Variants in KIF26B observed in about 807,000 individuals in gnomAD.
KIF26B encodes the protein kinesin-like protein KIF26B.
Under a neutral mutation model 151.2 loss-of-function variants are expected in KIF26B, and 63 were observed. The ratio of observed to expected loss-of-function variants is 0.42; its 90% CI spans 0.34 to 0.51. The LOEUF (loss-of-function observed/expected upper bound fraction) is 0.51. Among genes scored for constraint, KIF26B ranks in the 20% least tolerant of loss-of-function variants. The pLI is 0.07. For missense variants in KIF26B, 2,813 were observed against 2,913.6 expected, an observed-to-expected ratio of 0.97 and a Z score of 0.79; for synonymous variants, 1,357 against 1,262.1, an observed-to-expected ratio of 1.08 and a Z score of -1.59.
chr1:245,577,836 G>GGAAGAGCTTTGTGGC (rs1304196308), intron 5 of KIF26B, among the ~76,000 whole-genome samples: 10 of 148,738 alleles, frequency 6.7e-5, no homozygotes, highest in African/African-American at 2.3e-4. Flanking sequence ...TCTCCTCACC[G>GGAAGAGCTTTGTGGC]GAAGAGCTTT....
intron 3 of KIF26B, among the ~76,000 whole-genome samples, chr1:245,377,658 G>A (rs1673308805): frequency 6.6e-6 from 1 of 152,166 alleles, no homozygotes; most frequent in Admixed American, 6.5e-5. Flanking sequence ...AGCTAGATAA[G>A]ATAGATAAAT....
chr1:245,266,696 G>C (rs958508271), intron 2 of KIF26B, among the ~76,000 whole-genome samples: 3 of 151,998 alleles, frequency 2.0e-5, no homozygotes, highest in Non-Finnish European at 4.4e-5. Context: ...TAGTAGGGAC[G>C]GGGTTTCACC....
At chr1:245,216,167 C>T (rs986515914) in intron 2 of KIF26B, 5 of 151,296 alleles carry the variant, frequency 3.3e-5, no homozygotes, top group African/African-American at 1.2e-4. Context: ...TATCCCTTCT[C>T]CTTGAGTTCC....
intron 9 of KIF26B, among the ~76,000 whole-genome samples, chr1:245,624,411 C>A (rs1715800): frequency 0.7 from 106,169 of 152,066 alleles, 37,151 homozygotes; most frequent in East Asian, 0.89. Flanking sequence ...TCCTCCATAC[C>A]CCCACCAGCA....
chr1:245,616,045 C>T (rs927280522), intron 9 of KIF26B, among the ~76,000 whole-genome samples: 2 of 152,194 alleles, frequency 1.3e-5, no homozygotes, highest in African/African-American at 4.8e-5. Flanking sequence ...ACTCTGTGTG[C>T]GCCTCTGAAT....
At chr1:245,600,214 A>G (rs369606205) in intron 5 of KIF26B, among the ~76,000 whole-genome samples, 4 of 117,058 alleles carry the variant, frequency 3.4e-5, no homozygotes, top group South Asian at 2.8e-4. Flanking sequence ...AATTTTTTGT[A>G]TTTTTAGTAG....
intron 10 of KIF26B, among the ~76,000 whole-genome samples, chr1:245,659,328 C>G (rs1572183385): frequency 6.6e-6 from 1 of 152,164 alleles, no homozygotes; most frequent in Non-Finnish European, 1.5e-5. Flanking sequence ...AACCTTGCAT[C>G]TTTAGTGACA....
intron 3 of KIF26B, among the ~76,000 whole-genome samples, chr1:245,374,865 G>A (rs1468201446): frequency 1.3e-5 from 2 of 152,232 alleles, no homozygotes; most frequent in Non-Finnish European, 1.5e-5. Context: ...TTATGAATAT[G>A]GATGGGGCCG....
rs553970830 is a variant in KIF26B at position 245,190,951 on chromosome 1, C to T, written c.465+34268C>T. Among the ~76,000 whole-genome samples, 13 of 147,454 alleles carry T rather than the reference C, an allele frequency of 8.8e-5. No homozygotes were observed. The South Asian group carries it at 1.1e-3, about 12-fold the overall frequency. On this transcript the variant is annotated intron_variant, in intron 2 of 14. Coordinates refer to ENST00000407071, the MANE Select transcript of KIF26B (RefSeq NM_018012.4). ...GCAGGTGCCTGTAGTCCCAGCTACTCGGGAGGCTGAGGCTGGAGAATCGCT... is the reference window on the plus strand; with the variant it reads ...GCAGGTGCCTGTAGTCCCAGCTACTTGGGAGGCTGAGGCTGGAGAATCGCT...
At chr1:245,277,122 T>A (rs569340462) in intron 2 of KIF26B, among the ~76,000 whole-genome samples, 2 of 152,282 alleles carry the variant, frequency 1.3e-5, no homozygotes, top group South Asian at 4.2e-4. Context: ...ATGGATCCTC[T>A]CTTAGGCTCT....
At chr1:245,381,132 C>T (rs1673399194) in intron 3 of KIF26B, among the ~76,000 whole-genome samples, 1 of 152,060 alleles carries the variant, frequency 6.6e-6, no homozygotes, top group Non-Finnish European at 1.5e-5. Flanking sequence ...GTCTTTAACA[C>T]AGTAGTGAAG....
In KIF26B at chr1:245,694,715, G is replaced by A. The variant is rs572435686; in HGVS notation, c.5825-3391G>A. Among the ~76,000 whole-genome samples, 23 of 152,340 alleles carry A rather than the reference G, an allele frequency of 1.5e-4. No homozygotes were observed. In the East Asian group the frequency reaches 4.2e-3, roughly 28 times the overall value. ...GCCAGGCCTGGAACAGGAGGGGCGA[G>A]GGGGTGGGCTCAGCCTCTGTTAGTG... On this transcript the variant is annotated intron_variant, in intron 12 of 14. Coordinates refer to ENST00000407071, the MANE Select transcript of KIF26B (RefSeq NM_018012.4).
intron 9 of KIF26B, among the ~76,000 whole-genome samples, chr1:245,626,586 G>A (rs2043726957): frequency 6.6e-6 from 1 of 151,886 alleles, no homozygotes; most frequent in African/African-American, 2.4e-5. Context: ...ATTTTTAATG[G>A]GTTTGTTTGG....
At chr1:245,186,281 G>C (rs546549731) in intron 2 of KIF26B, among the ~76,000 whole-genome samples, 1 of 152,306 alleles carries the variant, frequency 6.6e-6, no homozygotes, top group East Asian at 1.9e-4. Flanking sequence ...CTGGGTTCTA[G>C]TGATGCCGGC....
intron 2 of KIF26B, among the ~76,000 whole-genome samples, chr1:245,245,958 G>A (rs1670322200): frequency 6.6e-6 from 1 of 150,462 alleles, no homozygotes; most frequent in Non-Finnish European, 1.5e-5. Context: ...CAGGCATGAT[G>A]GCAGATGCTT....
intron 2 of KIF26B, among the ~76,000 whole-genome samples, chr1:245,303,342 G>GC: frequency 6.6e-6 from 1 of 151,152 alleles, no homozygotes; most frequent in Non-Finnish European, 1.5e-5. Context: ...GGGACTACAG[G>GC]TGCCCGCCAC....
chr1:245,627,757 G>C (rs1174777797), intron 9 of KIF26B, among the ~76,000 whole-genome samples: 1 of 151,608 alleles, frequency 6.6e-6, no homozygotes, highest in Admixed American at 6.6e-5. Flanking sequence ...AGAAGAAAAG[G>C]AGAAGAATCA....
intron 2 of KIF26B, among the ~76,000 whole-genome samples, chr1:245,235,009 C>T (rs1670078426): frequency 6.6e-6 from 1 of 152,148 alleles, no homozygotes; most frequent in African/African-American, 2.4e-5. Context: ...CTTCCCCATC[C>T]TCCTGCCTGG....
At chr1:245,348,586 C>A (rs1410293120) in intron 2 of KIF26B, among the ~76,000 whole-genome samples, 1 of 152,148 alleles carries the variant, frequency 6.6e-6, no homozygotes, top group Non-Finnish European at 1.5e-5. Context: ...TTTCTAAGAG[C>A]ACTAATGTCA....
Sources: allele counts gnomAD v4.1 joint callset (sites outside exome capture counted in the v4.1 genomes callset), GRCh38; gene constraint gnomAD v4.1.1; transcripts MANE v1.5; gene names NCBI Gene and HGNC (gene_info 2026-07-23, HGNC 2026-07-21).